Variants in TAB2 observed in about 807,000 individuals in gnomAD.
TAB2 encodes TGF-beta-activated kinase 1 and MAP3K7-binding protein 2.
A neutral mutation model predicts 65.0 loss-of-function variants in TAB2; 3 were observed. That is an observed-to-expected ratio of 0.05 (90% CI 0.02 to 0.12). The LOEUF (loss-of-function observed/expected upper bound fraction) is 0.12. TAB2 is among the 10% of genes least tolerant of loss of function. TAB2 has a pLI of 1.00. For synonymous variants in TAB2, 298 were observed against 285.1 expected, an observed-to-expected ratio of 1.05 and a Z score of -0.46; for missense variants, 623 against 840.3, an observed-to-expected ratio of 0.74 and a Z score of 3.20.
rs560076980 is a variant in TAB2 at position 149,410,439 on chromosome 6, C to CT, written c.*724dup. On this transcript the variant is annotated 3_prime_UTR_variant, in exon 7 of 7. Coordinates refer to ENST00000637181, the MANE Select transcript of TAB2 (RefSeq NM_001292034.3). ...ATTTCTATATGTATAGTGTAATAGC[C>CT]TTTTGTTAACTAATTTTCTTTTTTC... 5 of 152,578 alleles carry CT rather than the reference C, an allele frequency of 3.3e-5. No individual in the cohort carries two copies. Among genetic ancestry groups the CT allele is most frequent in the Non-Finnish European group, 7.3e-5 (5 of 68,044 alleles). The allele number at this position is 152,578 out of a possible 1,614,324, so 9.5% of individuals were successfully genotyped here.
At chr6:149,359,182 A>T (rs990492242) in intron 1 of TAB2, among the ~76,000 whole-genome samples, 13 of 151,962 alleles carry the variant, frequency 8.6e-5, no homozygotes, top group African/African-American at 2.4e-4. Flanking sequence ...ATTTAACATG[A>T]GCTCATTTTC....
At chr6:149,268,554 T>C (rs1778304393) in intron 1 of TAB2, among the ~76,000 whole-genome samples, 1 of 152,216 alleles carries the variant, frequency 6.6e-6, no homozygotes, top group Non-Finnish European at 1.5e-5. Flanking sequence ...TGTGAGATCC[T>C]TGCATTGGAT....
intron 1 of TAB2, among the ~76,000 whole-genome samples, chr6:149,288,203 A>C (rs529635723): frequency 5.3e-5 from 8 of 152,186 alleles, no homozygotes; most frequent in Non-Finnish European, 1.0e-4. Flanking sequence ...ATATCCCAGT[A>C]AAATGGTCCT....
chr6:149,381,568 TC>T (rs1326203383), intron 3 of TAB2, among the ~76,000 whole-genome samples: 6 of 134,524 alleles, frequency 4.5e-5, no homozygotes, highest in East Asian at 2.2e-4. Context: ...CCCCTCCTAT[TC>T]TTTTTTTTTT....
At chr6:149,275,297 AAAG>A (rs201394158) in intron 1 of TAB2, among the ~76,000 whole-genome samples, 1,807 of 141,492 alleles carry the variant, frequency 0.013, 68 homozygotes, top group Middle Eastern at 0.031. Context: ...AGAAAGAAAG[AAAG>A]AGAAAAAAGA....
intron 1 of TAB2, among the ~76,000 whole-genome samples, chr6:149,310,389 A>G (rs947441310): frequency 2.0e-5 from 3 of 152,136 alleles, no homozygotes; most frequent in Admixed American, 2.0e-4. Context: ...CATTTTTAAA[A>G]TATTAAAACT....
Position 149,280,196 on chromosome 6 carries a change from C to T in TAB2, c.-121+61420C>T, listed in dbSNP as rs144824181. Among the ~76,000 whole-genome samples, 296 of 152,250 alleles carry T rather than the reference C, an allele frequency of 1.9e-3. 1 individual carries two copies. Among genetic ancestry groups the T allele is most frequent in the African/African-American group, 6.7e-3 (280 of 41,556 alleles). Reference sequence around the variant, plus strand: ...TCTTGTTTCTTTCTTAGGCATGTTGCTTATACTCTCTAAATTTCAGTTTTT... The same window carrying T: ...TCTTGTTTCTTTCTTAGGCATGTTGTTTATACTCTCTAAATTTCAGTTTTT... On this transcript the variant is annotated intron_variant, in intron 1 of 1. Coordinates refer to the TAB2 transcript ENST00000606202.
intron 1 of TAB2, among the ~76,000 whole-genome samples, chr6:149,339,590 TTTATTTA>T (rs372361205): frequency 2.3e-4 from 3 of 13,210 alleles, no homozygotes; most frequent in African/African-American, 5.1e-4. Context: ...ATCTTTTTTA[TTTATTTA>T]TTTATTTATT....
At chr6:149,266,442 C>T (rs1446426877) in intron 1 of TAB2, among the ~76,000 whole-genome samples, 1 of 152,228 alleles carries the variant, frequency 6.6e-6, no homozygotes, top group African/African-American at 2.4e-5. Context: ...CACTCCTTCC[C>T]TTTGCTGGGA....
chr6:149,347,353 G>T (rs2114795061), intron 1 of TAB2: 2 of 152,280 alleles, frequency 1.3e-5, no homozygotes, highest in Admixed American at 1.3e-4. Context: ...AGAGGAAGTA[G>T]TGTGGATTAT....
chr6:149,339,641 C>T (rs1418344973), intron 1 of TAB2, among the ~76,000 whole-genome samples: 2 of 147,784 alleles, frequency 1.4e-5, no homozygotes, highest in African/African-American at 5.0e-5. Context: ...CTCTGTTGCC[C>T]AGGCCAGAGT....
At chr6:149,398,761 T>C (rs1478743054) in intron 5 of TAB2, among the ~76,000 whole-genome samples, 1 of 152,116 alleles carries the variant, frequency 6.6e-6, no homozygotes, top group African/African-American at 2.4e-5. Flanking sequence ...TAAGTCCATG[T>C]TTGATCGTTT....
intron 3 of TAB2, among the ~76,000 whole-genome samples, chr6:149,381,560 C>G (rs1781607977): frequency 6.7e-6 from 1 of 148,676 alleles, no homozygotes; most frequent in African/African-American, 2.5e-5. Flanking sequence ...CTTCAATTCC[C>G]CTCCTATTCT....
chr6:149,344,155 G>A (rs1583106277), intron 1 of TAB2, among the ~76,000 whole-genome samples: 1 of 152,300 alleles, frequency 6.6e-6, no homozygotes, highest in East Asian at 1.9e-4. Context: ...TGGAAAGGGA[G>A]CTACTAGTTA....
intron 1 of TAB2, among the ~76,000 whole-genome samples, chr6:149,339,927 C>T (rs1780063319): frequency 6.6e-6 from 1 of 152,104 alleles, no homozygotes; most frequent in South Asian, 2.1e-4. Flanking sequence ...TTGCTCTGTT[C>T]ATATTTACTG....
intron 1 of TAB2, among the ~76,000 whole-genome samples, chr6:149,231,623 A>G (rs1777408493): frequency 6.6e-6 from 1 of 152,252 alleles, no homozygotes. Context: ...ACATATGTAG[A>G]TGAGTCTAAT....
In TAB2 at chr6:149,250,633, G is replaced by T. The variant is rs182763401; in HGVS notation, c.-121+31857G>T. ...CCAAACTTTTTTAAATTAGGGAAAT[G>T]GCATTATTACATCTGGGTTTCAGAA... On this transcript the variant is annotated intron_variant, in intron 1 of 1. Transcript: ENST00000606202. Among the ~76,000 whole-genome samples the T allele has an allele frequency of 1.4e-3, 215 of 152,192 alleles. 1 individual carries two copies. Among genetic ancestry groups the T allele is most frequent in the African/African-American group, 4.9e-3 (203 of 41,512 alleles).
In TAB2 at chr6:149,378,492, A is replaced by T. The variant is rs752518088; in HGVS notation, c.577A>T (p.Thr193Ser). 3 of 1,614,214 alleles carry T rather than the reference A, an allele frequency of 1.9e-6. No homozygotes were observed. Among genetic ancestry groups the T allele is most frequent in the Non-Finnish European group, 2.5e-6 (3 of 1,180,050 alleles). ...TATCCAGACTGGTCGTAATACTCCTACATCTTTGCACATACATGGTGTACC... is the reference window on the plus strand; with the variant it reads ...TATCCAGACTGGTCGTAATACTCCTTCATCTTTGCACATACATGGTGTACC... ...PNIQTGRNTP[T>S]SLHIHGVPPP... The change falls in exon 3 of 7, where the codon ACA becomes TCA. Residue 193 changes from threonine to serine, a missense_variant. By Grantham distance (58) the Thr-to-Ser change is moderately conservative. Around this residue, in one of 3 missense-constraint regions of TAB2, gnomAD observed 550 missense variants for 665.7 expected, o/e 0.83. Coordinates refer to ENST00000637181, the MANE Select transcript of TAB2 (RefSeq NM_001292034.3).
intron 1 of TAB2, among the ~76,000 whole-genome samples, chr6:149,348,292 G>T (rs1780368813): frequency 6.6e-6 from 1 of 152,110 alleles, no homozygotes; most frequent in African/African-American, 2.4e-5. Context: ...AGGAAGCTGG[G>T]GAGGGAAGAT....
Sources: allele counts gnomAD v4.1 joint callset (sites outside exome capture counted in the v4.1 genomes callset), GRCh38; gene constraint gnomAD v4.1.1; regional missense constraint gnomAD v4.1.1; transcripts MANE v1.5; gene names NCBI Gene and HGNC (gene_info 2026-07-23, HGNC 2026-07-21).